Variants in SGCD observed in about 807,000 individuals in gnomAD.
The protein encoded by SGCD is delta-sarcoglycan.
A neutral mutation model predicts 36.6 loss-of-function variants in SGCD; 18 were observed. The observed-to-expected ratio is 0.49, with a 90% CI of 0.34 to 0.73. The LOEUF is 0.73. Ranked by LOEUF, SGCD falls within the 30% of genes least tolerant of loss-of-function variation. The pLI is 0.01. For missense variants in SGCD, 387 were observed against 346.7 expected, an observed-to-expected ratio of 1.12 and a Z score of -0.92; for synonymous variants, 133 against 130.6, an observed-to-expected ratio of 1.02 and a Z score of -0.12.
chr5:156,598,721 G>T (rs1761042244), intron 6 of SGCD, among the ~76,000 whole-genome samples: 1 of 152,144 alleles, frequency 6.6e-6, no homozygotes, highest in South Asian at 2.1e-4. Context: ...CTTTGCAATG[G>T]CATAGGATAA....
chr5:155,943,659 C>A (rs1453570824), intron 1 of SGCD, among the ~76,000 whole-genome samples: 1 of 152,074 alleles, frequency 6.6e-6, no homozygotes, highest in Admixed American at 6.6e-5. Flanking sequence ...GTAATAATCC[C>A]CTTAATGTCA....
chr5:156,186,854 G>C (rs1206313865), intron 3 of SGCD, among the ~76,000 whole-genome samples: 2 of 152,194 alleles, frequency 1.3e-5, no homozygotes, highest in African/African-American at 4.8e-5. Flanking sequence ...AAGTATGGGA[G>C]TCAGCCAGAT....
intron 3 of SGCD, among the ~76,000 whole-genome samples, chr5:156,260,712 C>T (rs1260381533): frequency 3.3e-5 from 5 of 152,028 alleles, no homozygotes; most frequent in Admixed American, 3.3e-4. Context: ...CTGGGAGCTC[C>T]AGTAAAATTT....
At position 156,757,562 on chromosome 5, in the gene SGCD, G is replaced by T; in HGVS notation, c.576-19G>T. ...AAAAGAAAAAGGGATCTTTATTGAC[G>T]ATCTTGGGTGTTTTTCAGGTTGGAG... On this transcript the variant is annotated intron_variant, in intron 7 of 8. Transcript: ENST00000337851. The T allele has an allele frequency of 6.8e-7, 1 of 1,480,766 alleles. No homozygotes were observed. The highest frequency in any genetic ancestry group is 9.3e-7 in the Non-Finnish European group (1 of 1,072,460). The allele number at this position is 1,480,766 out of a possible 1,614,324, so 91.7% of individuals were successfully genotyped here.
intron 4 of SGCD, among the ~76,000 whole-genome samples, chr5:156,545,428 AC>A (rs1226647565): frequency 6.6e-6 from 1 of 151,984 alleles, no homozygotes; most frequent in Non-Finnish European, 1.5e-5. Flanking sequence ...CGTTTTTGGC[AC>A]CAGGGAGCAG....
chr5:156,022,033 C>CT (rs1431105822), intron 1 of SGCD, among the ~76,000 whole-genome samples: 1 of 152,150 alleles, frequency 6.6e-6, no homozygotes, highest in Non-Finnish European at 1.5e-5. Flanking sequence ...TCATTTTCCC[C>CT]TACTCATGCC....
At chr5:155,800,395 C>A in the SGCD span, among the ~76,000 whole-genome samples, 1 of 152,060 alleles carries the variant, frequency 6.6e-6, no homozygotes, top group African/African-American at 2.4e-5. Flanking sequence ...TACTGCAGAT[C>A]CTAGATTGTC....
At chr5:155,754,006 C>T in the SGCD span, among the ~76,000 whole-genome samples, 5,879 of 152,194 alleles carry the variant, frequency 0.039, 360 homozygotes, top group African/African-American at 0.13. Context: ...ATGATTCACT[C>T]ATTGATATTG....
At chr5:156,427,101 GA>G (rs1219543777) in intron 3 of SGCD, among the ~76,000 whole-genome samples, 1 of 152,068 alleles carries the variant, frequency 6.6e-6, no homozygotes, top group Admixed American at 6.6e-5. Context: ...TATTTTGATG[GA>G]AATTCCATTG....
At chr5:156,390,735 A>G (rs901770164) in intron 3 of SGCD, among the ~76,000 whole-genome samples, 3 of 151,496 alleles carry the variant, frequency 2.0e-5, no homozygotes, top group Non-Finnish European at 4.4e-5. Context: ...TATCTCAGGG[A>G]AAAAAAAAGT....
At chr5:156,257,539 C>T (rs951514684) in intron 3 of SGCD, among the ~76,000 whole-genome samples, 2 of 151,912 alleles carry the variant, frequency 1.3e-5, no homozygotes, top group Non-Finnish European at 1.5e-5. Flanking sequence ...TTATTTGCTA[C>T]CACACACCCT....
intron 3 of SGCD, among the ~76,000 whole-genome samples, chr5:156,124,360 G>C (rs1762118237): frequency 6.6e-6 from 1 of 152,084 alleles, no homozygotes; most frequent in Non-Finnish European, 1.5e-5. Context: ...AAAGACTTCA[G>C]GTAACAAGAT....
intron 3 of SGCD, among the ~76,000 whole-genome samples, chr5:156,395,442 G>A (rs1216837120): frequency 1.3e-5 from 2 of 152,344 alleles, no homozygotes; most frequent in Non-Finnish European, 2.9e-5. Flanking sequence ...TTCCTGGATT[G>A]TCAGTAGAGA....
At chr5:155,970,378 A>G (rs565259453) in intron 1 of SGCD, among the ~76,000 whole-genome samples, 6 of 152,280 alleles carry the variant, frequency 3.9e-5, no homozygotes, top group African/African-American at 1.2e-4. Flanking sequence ...AGCATTTTAC[A>G]TATAGTTTTG....
chr5:155,989,080 T>C (rs1442196687), intron 1 of SGCD, among the ~76,000 whole-genome samples: 4 of 152,206 alleles, frequency 2.6e-5, no homozygotes, highest in African/African-American at 4.8e-5. Flanking sequence ...TCGTCAATTT[T>C]GTTGATTAAT....
At chr5:156,741,571 A>G (rs890540374) in intron 7 of SGCD, among the ~76,000 whole-genome samples, 1 of 149,648 alleles carries the variant, frequency 6.7e-6, no homozygotes, top group Admixed American at 6.6e-5. Context: ...CCTGGGAGAG[A>G]TGACCAATTT....
chr5:156,758,770 C>A (rs1266656266), intron 8 of SGCD, among the ~76,000 whole-genome samples: 1 of 150,504 alleles, frequency 6.6e-6, no homozygotes, highest in Non-Finnish European at 1.5e-5. Flanking sequence ...AGACCATCAG[C>A]CCCATAAATT....
intron 4 of SGCD, among the ~76,000 whole-genome samples, chr5:156,574,639 GTTA>G (rs1759852867): frequency 6.6e-6 from 1 of 151,972 alleles, no homozygotes; most frequent in African/African-American, 2.4e-5. Flanking sequence ...TTTTCCCTGT[GTTA>G]TTCTGATTTT....
chr5:156,385,301 AC>A (rs1345937238), intron 3 of SGCD, among the ~76,000 whole-genome samples: 2 of 152,234 alleles, frequency 1.3e-5, no homozygotes, highest in East Asian at 3.9e-4. Context: ...TCTGTAGGCA[AC>A]AGGCACCAGG....
Sources: allele counts gnomAD v4.1 joint callset (sites outside exome capture counted in the v4.1 genomes callset), GRCh38; gene constraint gnomAD v4.1.1; transcripts MANE v1.5; gene names NCBI Gene and HGNC (gene_info 2026-07-23, HGNC 2026-07-21).